The following ERICH6B variants were observed in gnomAD, a reference collection of about 807,000 sequenced individuals.
ERICH6B encodes the protein glutamate rich 6B.
In ERICH6B, 69 loss-of-function variants were observed where a neutral mutation model predicts 80.0. That is an observed-to-expected ratio of 0.86 (90% confidence interval 0.71 to 1.05). ERICH6B has a LOEUF of 1.05. ERICH6B is among the 50% of genes least tolerant of loss of function. ERICH6B has a pLI of 0.00. For missense variants in ERICH6B, 754 were observed against 796.1 expected (o/e 0.95, Z 0.64); for synonymous variants, 283 against 291.9 (o/e 0.97, Z 0.31).
At chr13:45,569,818 C>T (rs1875077404) in intron 8 of ERICH6B, among the ~76,000 whole-genome samples, 1 of 152,114 alleles carries the variant, frequency 6.6e-6, no homozygotes, top group Admixed American at 6.5e-5. Flanking sequence ...AGCCTCTGAG[C>T]CCTGTCTGTC....
chr13:45,591,152 A>C (rs3014933), intron 3 of ERICH6B, among the ~76,000 whole-genome samples: 63,907 of 152,150 alleles, frequency 0.42, 14,733 homozygotes, highest in Non-Finnish European at 0.52. Context: ...AATTATGCCA[A>C]CAATTCTGAT....
chr13:45,557,025 T>C (rs1028261457), intron 11 of ERICH6B, among the ~76,000 whole-genome samples: 1 of 152,208 alleles, frequency 6.6e-6, no homozygotes, highest in African/African-American at 2.4e-5. Flanking sequence ...CTGTTTTCCA[T>C]AGTGGTTGTA....
intron 2 of ERICH6B, among the ~76,000 whole-genome samples, chr13:45,600,251 T>A (rs1312028285): frequency 2.6e-5 from 4 of 152,190 alleles, no homozygotes; most frequent in African/African-American, 9.7e-5. Flanking sequence ...GCTAGAGCAA[T>A]TGAAGAGTGG....
At chr13:45,567,284 A>T (rs576042399) in intron 9 of ERICH6B, among the ~76,000 whole-genome samples, 1 of 152,300 alleles carries the variant, frequency 6.6e-6, no homozygotes, top group South Asian at 2.1e-4. Context: ...TTAATGCTGA[A>T]ATGAGTTAAG....
intron 9 of ERICH6B, among the ~76,000 whole-genome samples, chr13:45,564,992 TA>T (rs1459199310): frequency 1.3e-5 from 2 of 152,218 alleles, no homozygotes; most frequent in Admixed American, 1.3e-4. Flanking sequence ...CCCTAGAGCC[TA>T]AATTAGCACA....
chr13:45,577,518 G>A (rs1458895444), intron 7 of ERICH6B, among the ~76,000 whole-genome samples: 9 of 152,064 alleles, frequency 5.9e-5, no homozygotes, highest in African/African-American at 1.9e-4. Context: ...TCTTGACCTC[G>A]TGATCTGCCG....
chr13:45,558,910 T>C (rs1312410031), intron 11 of ERICH6B, among the ~76,000 whole-genome samples: 1 of 152,202 alleles, frequency 6.6e-6, no homozygotes, highest in East Asian at 1.9e-4. Flanking sequence ...CAGTATGTCC[T>C]TTCCTGGTTT....
chr13:45,601,506 C>A (rs904799419), intron 2 of ERICH6B, among the ~76,000 whole-genome samples: 1 of 152,170 alleles, frequency 6.6e-6, no homozygotes, highest in African/African-American at 2.4e-5. Flanking sequence ...CAGGCACTGG[C>A]CACTCCATCA....
At chr13:45,602,806 A>G (rs2138030666) in intron 2 of ERICH6B, among the ~76,000 whole-genome samples, 1 of 151,778 alleles carries the variant, frequency 6.6e-6, no homozygotes, top group South Asian at 2.1e-4. Flanking sequence ...CCATTTTCCC[A>G]CCCTGCTCTG....
intron 13 of ERICH6B, 28 bp from the exon 14 acceptor site, chr13:45,545,013 G>T (rs1873937837): frequency 1.3e-6 from 2 of 1,538,486 alleles, no homozygotes; most frequent in Non-Finnish European, 1.8e-6. Context: ...ATGTCAGGCA[G>T]CCAGGGCGCT....
intron 2 of ERICH6B, among the ~76,000 whole-genome samples, chr13:45,602,429 C>G (rs895195025): frequency 1.3e-5 from 2 of 152,240 alleles, no homozygotes; most frequent in Non-Finnish European, 2.9e-5. Context: ...TTCCAGACAG[C>G]TGCAGTCCAG....
At chr13:45,611,661 C>T (rs1949900619) in intron 1 of ERICH6B, among the ~76,000 whole-genome samples, 1 of 152,220 alleles carries the variant, frequency 6.6e-6, no homozygotes, top group Non-Finnish European at 1.5e-5. Flanking sequence ...GCTTGACAAA[C>T]ACCCCACACA....
intron 3 of ERICH6B, among the ~76,000 whole-genome samples, chr13:45,594,028 A>G (rs1004301627): frequency 7.2e-5 from 11 of 152,256 alleles, no homozygotes; most frequent in African/African-American, 2.4e-4. Flanking sequence ...TGTACTGAGC[A>G]TCTGCTATAG....
intron 2 of ERICH6B, among the ~76,000 whole-genome samples, chr13:45,600,212 C>G (rs1416287882): frequency 2.0e-5 from 3 of 152,196 alleles, no homozygotes; most frequent in African/African-American, 7.2e-5. Flanking sequence ...CTGGCTGCTG[C>G]TGCCTCACCC....
chr13:45,544,938 C>A lies in ERICH6B; in HGVS notation c.1694G>T (p.Arg565Leu), dbSNP rs758563788. 2 of 1,551,540 alleles carry A rather than the reference C, an allele frequency of 1.3e-6. No individual in the cohort carries two copies. The highest frequency in any genetic ancestry group is 1.7e-6 in the Non-Finnish European group (2 of 1,146,992). The change falls in exon 14 of 15, where the codon CGC (arginine) becomes CTC (leucine). Residue 565 changes from arginine to leucine, a missense_variant. Transcript: ENST00000298738. Reference sequence around the variant, plus strand: ...ATTCCACCAGTTCCAGGCCTTCTGGCGTTTGTCTTTGGGGAAGTAGTAGCC... The same window carrying A: ...ATTCCACCAGTTCCAGGCCTTCTGGAGTTTGTCTTTGGGGAAGTAGTAGCC... Reference protein sequence around the residue: ...NLGYYFPKDKRQKAWNWWNLN... With the variant: ...NLGYYFPKDKLQKAWNWWNLN...
In ERICH6B at chr13:45,596,432, C is replaced by T. The variant is rs962362359; in HGVS notation, c.574G>A (p.Glu192Lys). 1.3e-6 allele frequency: 2 copies of T among 1,552,106 alleles called. No individual in the cohort carries two copies. The highest frequency in any genetic ancestry group is 2.7e-5 in the African/African-American group (2 of 73,020). ...LEKEENLEEEEALEKEENLDG... is the reference protein window; with the variant it reads ...LEKEENLEEEKALEKEENLDG... ...AGATTCTCTTCCTTCTCCAGAGCTTCTTCCTCCTCCAGATTCTCTTCCTTC... is the reference window on the plus strand; with the variant it reads ...AGATTCTCTTCCTTCTCCAGAGCTTTTTCCTCCTCCAGATTCTCTTCCTTC... Residue 192 changes from glutamate (E) to lysine (K), a missense_variant, in exon 3 of 15, where the codon GAA becomes AAA. Transcript: ENST00000298738.
chr13:45,542,949 C>A (rs1413203633), intron 14 of ERICH6B, among the ~76,000 whole-genome samples: 1 of 152,234 alleles, frequency 6.6e-6, no homozygotes, highest in Non-Finnish European at 1.5e-5. Flanking sequence ...CACACTCCCT[C>A]CTCTCTTCTC....
intron 10 of ERICH6B, among the ~76,000 whole-genome samples, chr13:45,562,815 G>C (rs1274112145): frequency 2.6e-5 from 4 of 152,240 alleles, no homozygotes; most frequent in Admixed American, 1.3e-4. Context: ...CAGGATTCAG[G>C]AGAGGCAGGC....
At chr13:45,559,195 G>C (rs1343879622) in intron 11 of ERICH6B, among the ~76,000 whole-genome samples, 1 of 152,104 alleles carries the variant, frequency 6.6e-6, no homozygotes, top group Non-Finnish European at 1.5e-5. Flanking sequence ...GCATGTAAAA[G>C]TGTTCATAGT....
Sources: gnomAD v4.1 joint callset for allele counts (sites outside exome capture counted in the v4.1 genomes callset) on GRCh38, gnomAD v4.1.1 for gene constraint, MANE v1.5 for transcripts, NCBI Gene and HGNC (gene_info 2026-07-23, HGNC 2026-07-21) for gene names.